SEH1L: variants seen among roughly 807,000 people sequenced by gnomAD.
SEH1L encodes nucleoporin SEH1.
SEH1L carries 18 observed loss-of-function variants against 49.5 expected under a neutral mutation model. The ratio of observed to expected loss-of-function variants is 0.36; its 90% confidence interval spans 0.25 to 0.54. The LOEUF (loss-of-function observed/expected upper bound fraction) is 0.54, where lower values mean the gene tolerates loss of function less well. Among genes scored for constraint, SEH1L ranks in the 20% least tolerant of loss-of-function variants. The probability of loss-of-function intolerance (pLI) is 0.87; values close to 1 mark genes in which losing one functional copy is unlikely to be tolerated. For synonymous variants in SEH1L, 169 were observed against 178.1 expected (o/e 0.95, Z 0.41); for missense variants, 404 against 528.8 (o/e 0.76, Z 2.31).
intron 5 of SEH1L, chr18:12,973,546 C>T (rs529726036): frequency 6.6e-6 from 1 of 152,314 alleles, no homozygotes; most frequent in South Asian, 2.1e-4. Flanking sequence ...GTGATCCACC[C>T]ACCTCGGCCT....
chr18:12,969,938 T>G (rs2031624844), intron 4 of SEH1L, among the ~76,000 whole-genome samples: 1 of 152,104 alleles, frequency 6.6e-6, no homozygotes, highest in South Asian at 2.1e-4. Flanking sequence ...ACACAGAAAT[T>G]GCTGTGGAAT....
intron 6 of SEH1L, among the ~76,000 whole-genome samples, chr18:12,981,395 G>A (rs1029568754): frequency 3.3e-5 from 5 of 152,184 alleles, no homozygotes; most frequent in African/African-American, 1.2e-4. Context: ...TCACGCCACT[G>A]CACTCCAGCC....
At chr18:12,951,949 ACT>A in intron 2 of SEH1L, 44 bp downstream of exon 2, 3 of 1,069,398 alleles carry the variant, frequency 2.8e-6, no homozygotes, top group Non-Finnish European at 4.1e-6. Context: ...AGAAATATTT[ACT>A]GTTTATTTTA....
chr18:12,984,008 C>T (rs1263282432), intron 7 of SEH1L, 32 bp from the exon 8 acceptor site: 4 of 1,577,338 alleles, frequency 2.5e-6, no homozygotes, highest in Non-Finnish European at 3.5e-6. Flanking sequence ...TGGTATTAAT[C>T]ATGTTAATGT....
intron 1 of SEH1L, chr18:12,948,488 G>A (rs2030263608): frequency 3.0e-6 from 1 of 335,066 alleles, no homozygotes; most frequent in Admixed American, 5.1e-5. Context: ...GGTACGCCGG[G>A]CCCTCTCCCA....
chr18:12,950,125 C>T (rs2030429461), intron 1 of SEH1L, among the ~76,000 whole-genome samples: 1 of 151,896 alleles, frequency 6.6e-6, no homozygotes, highest in East Asian at 1.9e-4. Flanking sequence ...CCTCAACATC[C>T]CAGGTTCAAG....
Position 12,955,591 on chromosome 18 carries a change from G to A in SEH1L, c.291G>A (p.Leu97=). The A allele has an allele frequency of 1.9e-6, 3 of 1,614,062 alleles. No individual in the cohort carries two copies. The highest frequency in any genetic ancestry group is 2.5e-6 in the Non-Finnish European group (3 of 1,179,998). The part of the protein sequence containing the change: ...EEIVGESNDK[L]RGQSHWVKRT... ...TAGTAGGAGAATCAAATGATAAACT[G>A]CGAGGACAGAGCCACTGGGTGAGAC... The change falls in exon 3 of 9, where the codon CTG becomes CTA. Residue 97 remains leucine (L), a synonymous_variant. Transcript: ENST00000399892.
Position 12,987,336 on chromosome 18 carries a change from T to C in SEH1L, c.*279T>C, listed in dbSNP as rs192673514. On this transcript the variant is annotated 3_prime_UTR_variant, in exon 9 of 9. Coordinates refer to ENST00000399892, the MANE Select transcript of SEH1L (RefSeq NM_001013437.2). ...ACAGTAGCTGACTTCAAAGTGCCTG[T>C]TCTGTAAATTTTATTTTAAACTGTT... is the stretch of plus-strand genomic sequence containing the variant. 30 of 227,984 alleles carry C rather than the reference T, an allele frequency of 1.3e-4. No individual in the cohort carries two copies. The highest frequency in any genetic ancestry group is 5.6e-4 in the African/African-American group (25 of 44,590). The allele number at this position is 227,984 out of a possible 1,614,324, so 14.1% of individuals were successfully genotyped here.
intron 1 of SEH1L, chr18:12,948,433 C>A: frequency 1.3e-5 from 6 of 456,332 alleles, no homozygotes; most frequent in South Asian, 1.3e-4. Context: ...GCCGCCCTCC[C>A]GTGCGCCTGC....
At chr18:12,957,097 T>G (rs1210078710) in intron 3 of SEH1L, among the ~76,000 whole-genome samples, 19 of 151,672 alleles carry the variant, frequency 1.3e-4, no homozygotes, top group Non-Finnish European at 1.5e-5. Flanking sequence ...AAAAATTGTT[T>G]CTTTTGTTTT....
chr18:12,986,129 G>C, intron 8 of SEH1L: 3 of 984,480 alleles, frequency 3.0e-6, no homozygotes, highest in Non-Finnish European at 3.6e-6. Context: ...AGCATTCCAT[G>C]TCTCAAGATT....
In SEH1L at chr18:12,976,109, C is replaced by T. The variant is rs8083472; in HGVS notation, c.621-2643C>T. 7.0e-3 allele frequency among the ~76,000 whole-genome samples: 1,068 copies of T among 152,252 alleles called. 11 individuals are homozygous for T. Among genetic ancestry groups the T allele is most frequent in the African/African-American group, 0.025 (1,027 of 41,538 alleles). ...CTCAGTGGCTGAAACAGTACAGATT[C>T]GGTATTTCAATGTCTGTGGGTCAAG... On this transcript the variant is annotated intron_variant, in intron 5 of 8. Transcript: ENST00000399892.
At chr18:12,964,366 A>G (rs1174899330) in intron 4 of SEH1L, 4 of 152,010 alleles carry the variant, frequency 2.6e-5, no homozygotes, top group African/African-American at 7.3e-5. Context: ...GGTTCTTGCT[A>G]TGTTATCTTT....
intron 6 of SEH1L, among the ~76,000 whole-genome samples, chr18:12,981,850 A>ATTTTTATTTTTTTTT (rs1463077173): frequency 2.3e-5 from 2 of 88,184 alleles, no homozygotes; most frequent in African/African-American, 1.1e-4. Flanking sequence ...TGCCCTGCCC[A>ATTTTTATTTTTTTTT]TTTTTTTTTT....
At chr18:12,959,416 A>G (rs909629247) in intron 3 of SEH1L, among the ~76,000 whole-genome samples, 10 of 152,198 alleles carry the variant, frequency 6.6e-5, no homozygotes, top group Admixed American at 6.5e-4. Flanking sequence ...TCCTGGGTTC[A>G]AGCGATCCTC....
chr18:12,949,279 G>A (rs1431315912), intron 1 of SEH1L, among the ~76,000 whole-genome samples: 1 of 152,018 alleles, frequency 6.6e-6, no homozygotes, highest in African/African-American at 2.4e-5. Flanking sequence ...GACAACTCCA[G>A]AGTAACTGGA....
At chr18:12,963,455 C>A in intron 4 of SEH1L, 84 bp downstream of exon 4, 1 of 1,064,876 alleles carries the variant, frequency 9.4e-7, no homozygotes. Context: ...AATTTATTCT[C>A]TCAAAGGTGC....
chr18:12,975,889 C>A, intron 5 of SEH1L: 1 of 985,450 alleles, frequency 1.0e-6, no homozygotes, highest in Non-Finnish European at 1.2e-6. Context: ...TCACGTGAGT[C>A]TTGGTTTCTG....
chr18:12,973,068 G>A (rs2031770654), intron 5 of SEH1L: 1 of 152,100 alleles, frequency 6.6e-6, no homozygotes, highest in Non-Finnish European at 1.5e-5. Flanking sequence ...TAGCTGTGGG[G>A]ATGATGGCGC....
Sources: allele counts gnomAD v4.1 joint callset (sites outside exome capture counted in the v4.1 genomes callset), GRCh38; gene constraint gnomAD v4.1.1; transcripts MANE v1.5; gene names NCBI Gene and HGNC (gene_info 2026-07-23, HGNC 2026-07-21).